DTNB: variants seen among roughly 807,000 people sequenced by gnomAD.
DTNB encodes the protein DTN-B.
DTNB carries 63 observed loss-of-function variants against 90.7 expected under a neutral mutation model. That is an observed-to-expected ratio of 0.69 (90% CI 0.57 to 0.86). The LOEUF (loss-of-function observed/expected upper bound fraction) is 0.86. Ranked by LOEUF, DTNB falls within the 40% of genes least tolerant of loss-of-function variation. DTNB has a pLI of 0.00. For missense variants in DTNB, 744 were observed against 807.1 expected, an observed-to-expected ratio of 0.92 and a Z score of 0.95; for synonymous variants, 277 against 286.7, an observed-to-expected ratio of 0.97 and a Z score of 0.34.
chr2:25,586,446 GT>G (rs1263338828), intron 6 of DTNB, among the ~76,000 whole-genome samples: 6 of 150,202 alleles, frequency 4.0e-5, no homozygotes, highest in South Asian at 2.1e-4. Context: ...GGAGGTGGAG[GT>G]TGCAGTGAGT....
intron 4 of DTNB, 62 bp downstream of exon 4, chr2:25,628,109 G>A: frequency 6.5e-7 from 1 of 1,543,030 alleles, no homozygotes; most frequent in Non-Finnish European, 8.9e-7. Context: ...TATGGAAGAA[G>A]AATGATTCAG....
intron 8 of DTNB, chr2:25,558,477 T>C (rs537477846): frequency 2.2e-6 from 2 of 918,422 alleles, no homozygotes; most frequent in Non-Finnish European, 2.6e-6. Context: ...CCACAGGAAA[T>C]TGCTCATTTG....
At chr2:25,481,768 T>A (rs894127989) in intron 10 of DTNB, 1 of 152,068 alleles carries the variant, frequency 6.6e-6, no homozygotes, top group African/African-American at 2.4e-5. Context: ...AATAAAAATG[T>A]AGCTTCTCAA....
chr2:25,427,691 G>A (rs1410609372), intron 14 of DTNB, 60 bp from the exon 15 acceptor site: 2 of 1,546,352 alleles, frequency 1.3e-6, no homozygotes, highest in East Asian at 4.5e-5. Flanking sequence ...CTAAGGCCAG[G>A]TGAAATGGAT....
chr2:25,629,998 G>C (rs986677149), intron 3 of DTNB, among the ~76,000 whole-genome samples: 1 of 152,058 alleles, frequency 6.6e-6, no homozygotes, highest in Non-Finnish European at 1.5e-5. Context: ...TCCATTAAGG[G>C]TCTGGGATCC....
chr2:25,655,801 G>A (rs1047999800), intron 1 of DTNB, among the ~76,000 whole-genome samples: 9 of 152,074 alleles, frequency 5.9e-5, no homozygotes, highest in African/African-American at 1.2e-4. Flanking sequence ...CTCTAACCTC[G>A]AGTCCATTTT....
chr2:25,544,158 G>A (rs1489565902), intron 8 of DTNB, among the ~76,000 whole-genome samples: 1 of 152,202 alleles, frequency 6.6e-6, no homozygotes, highest in African/African-American at 2.4e-5. Flanking sequence ...CGCGGGTTGG[G>A]TCATGAAGGT....
rs1286157752 is a variant in DTNB, at chr2:25,408,548, A to AT, written c.1575+10966_1575+10967insA. Among the ~76,000 whole-genome samples, 44 of 149,922 alleles carry AT rather than the reference A, an allele frequency of 2.9e-4. 1 individual carries two copies. Among genetic ancestry groups the AT allele is most frequent in the African/African-American group, 1.0e-3 (42 of 40,166 alleles). ...AGTGAGACTCCATCTCAAAAAAAAA[A>AT]AAAAAAAAAAAAAAAGCACCACTTT... On this transcript the variant is annotated intron_variant, in intron 16 of 20. Transcript: ENST00000406818.
At chr2:25,452,521 G>A (rs1433056504) in intron 11 of DTNB, among the ~76,000 whole-genome samples, 1 of 152,180 alleles carries the variant, frequency 6.6e-6, no homozygotes, top group African/African-American at 2.4e-5. Context: ...GGTGGCTGTT[G>A]TGGCTTACCT....
rs189549891 is a variant in DTNB at position 25,470,420 on chromosome 2, G to A, written c.1079+12376C>T. Among the ~76,000 whole-genome samples, 35 of 146,626 alleles carry A rather than the reference G, an allele frequency of 2.4e-4. No homozygotes were observed. In the East Asian group the frequency reaches 6.4e-3, roughly 27 times the overall value. ...ACAGAGACTTGCTCTGTTGTGCCCA[G>A]GCTGGAGTGCAGTGGTGTGATCTCA... On this transcript the variant is annotated intron_variant, in intron 10 of 20. Transcript: ENST00000406818.
chr2:25,473,804 C>A (rs78469182), intron 10 of DTNB, among the ~76,000 whole-genome samples: 1,950 of 152,248 alleles, frequency 0.013, 16 homozygotes, highest in Non-Finnish European at 0.02. Flanking sequence ...TTTTCCTCGC[C>A]CCACCCACAT....
intron 8 of DTNB, among the ~76,000 whole-genome samples, chr2:25,542,501 A>G (rs2081492602): frequency 6.6e-6 from 1 of 152,086 alleles, no homozygotes; most frequent in African/African-American, 2.4e-5. Flanking sequence ...GATTTTTAAG[A>G]CTTTGGTACC....
chr2:25,669,827 C>T (rs1378312386), intron 1 of DTNB, among the ~76,000 whole-genome samples: 7 of 151,934 alleles, frequency 4.6e-5, no homozygotes, highest in African/African-American at 1.7e-4. Flanking sequence ...AAGTGTAGTC[C>T]CAGCTACTTG....
At chr2:25,409,404 T>G (rs928656061) in intron 16 of DTNB, among the ~76,000 whole-genome samples, 5 of 152,222 alleles carry the variant, frequency 3.3e-5, no homozygotes, top group Non-Finnish European at 7.3e-5. Flanking sequence ...AAAATGAGGT[T>G]TGTAAAGGTT....
chr2:25,657,040 G>A (rs1207035901), intron 1 of DTNB, among the ~76,000 whole-genome samples: 2 of 152,160 alleles, frequency 1.3e-5, no homozygotes, highest in Non-Finnish European at 2.9e-5. Context: ...ACTGGGTGTG[G>A]TGGTGCATGC....
At chr2:25,564,703 T>A (rs1027019652) in intron 8 of DTNB, among the ~76,000 whole-genome samples, 7 of 152,212 alleles carry the variant, frequency 4.6e-5, no homozygotes. Context: ...CTTTCAGCCA[T>A]GTTTTCCACT....
intron 1 of DTNB, among the ~76,000 whole-genome samples, chr2:25,654,938 T>A (rs1444166614): frequency 1.3e-5 from 2 of 152,136 alleles, no homozygotes; most frequent in Non-Finnish European, 2.9e-5. Context: ...GTTCCCTAAG[T>A]GTTAGAATGG....
chr2:25,404,719 G>A (rs955603750), intron 16 of DTNB, among the ~76,000 whole-genome samples: 1 of 152,098 alleles, frequency 6.6e-6, no homozygotes, highest in African/African-American at 2.4e-5. Flanking sequence ...GCCAGGCGTG[G>A]TGGCACGCGA....
intron 10 of DTNB, among the ~76,000 whole-genome samples, chr2:25,467,799 G>A (rs907672182): frequency 1.3e-5 from 2 of 152,072 alleles, no homozygotes; most frequent in Non-Finnish European, 2.9e-5. Context: ...TTCTCAAAGG[G>A]TCCGATAGTA....
Sources: gnomAD v4.1 joint callset for allele counts (sites outside exome capture counted in the v4.1 genomes callset) on GRCh38, gnomAD v4.1.1 for gene constraint, MANE v1.5 for transcripts, NCBI Gene and HGNC (gene_info 2026-07-23, HGNC 2026-07-21) for gene names.